Variants in KLHL29 observed in about 807,000 individuals in gnomAD.
KLHL29 encodes kelch-like protein 29.
A neutral mutation model predicts 80.4 loss-of-function variants in KLHL29; 21 were observed. The observed-to-expected ratio is 0.26, with a 90% CI of 0.19 to 0.38. The LOEUF (loss-of-function observed/expected upper bound fraction) is 0.38, where lower values mean the gene tolerates loss of function less well. Ranked by LOEUF, KLHL29 falls within the 10% of genes least tolerant of loss-of-function variation. The pLI is 1.00. For missense variants in KLHL29, 867 were observed against 1,223.9 expected, an observed-to-expected ratio of 0.71 and a Z score of 4.35; for synonymous variants, 511 against 526.8, an observed-to-expected ratio of 0.97 and a Z score of 0.41.
At chr2:23,576,169 G>A (rs894942505) in intron 3 of KLHL29, among the ~76,000 whole-genome samples, 1 of 152,122 alleles carries the variant, frequency 6.6e-6, no homozygotes, top group South Asian at 2.1e-4. Flanking sequence ...GCTGGGCGTG[G>A]TGGCTGGCAC....
intron 3 of KLHL29, among the ~76,000 whole-genome samples, chr2:23,573,200 C>G (rs1211026104): frequency 1.3e-5 from 2 of 152,172 alleles, no homozygotes; most frequent in African/African-American, 4.8e-5. Flanking sequence ...AGTATCACAG[C>G]CTTTTCCTTC....
intron 2 of KLHL29, among the ~76,000 whole-genome samples, chr2:23,508,289 T>A (rs1002235952): frequency 1.3e-5 from 2 of 152,266 alleles, no homozygotes; most frequent in African/African-American, 4.8e-5. Context: ...TTGTCTTCAG[T>A]GTCTAGGACC....
chr2:23,693,643 TGGCAGAGAGGTGAAGGGCG>T lies in KLHL29; in HGVS notation c.1542+129_1542+147del, dbSNP rs571284232. Reference sequence around the variant, plus strand: ...CCTTCCTTGTCCTGCTCTCCCTAAGTGGCAGAGAGGTGAAGGGCGGGCAGAGAGGTGAGAAACCAGTCAC... The same window carrying T: ...CCTTCCTTGTCCTGCTCTCCCTAAGTGGCAGAGAGGTGAGAAACCAGTCAC... On this transcript the variant is annotated intron_variant, in intron 8 of 13. Coordinates refer to ENST00000486442, the MANE Select transcript of KLHL29 (RefSeq NM_052920.2). The T allele has an allele frequency of 7.9e-5, 90 of 1,134,112 alleles. No individual in the cohort carries two copies. The African/African-American group carries it at 1.3e-3, about 17-fold the overall frequency. The allele number at this position is 1,134,112 out of a possible 1,614,324, so 70.3% of individuals were successfully genotyped here.
At chr2:23,532,308 G>A (rs189421275) in intron 2 of KLHL29, among the ~76,000 whole-genome samples, 16 of 152,332 alleles carry the variant, frequency 1.1e-4, no homozygotes, top group African/African-American at 3.9e-4. Context: ...TTAACTCCCT[G>A]TAATGGCCTC....
intron 2 of KLHL29, among the ~76,000 whole-genome samples, chr2:23,526,292 A>AG (rs1558373623): frequency 4.6e-5 from 7 of 150,898 alleles, no homozygotes; most frequent in Admixed American, 1.3e-4. Context: ...GTCACAGGGG[A>AG]GGGGAAACCA....
At position 23,522,162 on chromosome 2, in the gene KLHL29, C is replaced by A. The variant is rs552785051; in HGVS notation, c.-45-39990C>A. On this transcript the variant is annotated intron_variant, in intron 2 of 13. Coordinates refer to ENST00000486442, the MANE Select transcript of KLHL29 (RefSeq NM_052920.2). ...TGTTTATTCTAAGGCTTTTTTTTTT[C>A]TTTTGAGATGGAGTCTAGCTCTGTT... Among the ~76,000 whole-genome samples, 3 of 147,066 alleles carry A rather than the reference C, an allele frequency of 2.0e-5. No homozygotes were observed. In the South Asian group the frequency reaches 6.3e-4, roughly 31 times the overall value.
intron 2 of KLHL29, among the ~76,000 whole-genome samples, chr2:23,561,283 A>G (rs1667440258): frequency 6.6e-6 from 1 of 152,190 alleles, no homozygotes; most frequent in Non-Finnish European, 1.5e-5. Context: ...CAGGCAAGTC[A>G]TGGTAATACT....
chr2:23,545,690 C>G lies in KLHL29; in HGVS notation c.-45-16462C>G, dbSNP rs1025026324. Reference sequence around the variant, plus strand: ...GTATGGGGTGATTAGGCCCCGGCTACACTGCTCCTGGGGACGAGTCATTTC... The same window carrying G: ...GTATGGGGTGATTAGGCCCCGGCTAGACTGCTCCTGGGGACGAGTCATTTC... On this transcript the variant is annotated intron_variant, in intron 2 of 13. Transcript: ENST00000486442. 1.1e-4 allele frequency among the ~76,000 whole-genome samples: 16 copies of G among 152,320 alleles called. No homozygotes were observed. The East Asian group carries it at 1.2e-3, about 11-fold the overall frequency.
intron 2 of KLHL29, among the ~76,000 whole-genome samples, chr2:23,505,152 G>A (rs1299959369): frequency 2.0e-5 from 3 of 152,152 alleles, no homozygotes; most frequent in African/African-American, 2.4e-5. Context: ...GTTAAGTGTC[G>A]TTCACCATGG....
rs77243973 is a variant in KLHL29, at chr2:23,682,813, C to A, written c.941-1586C>A. Among the ~76,000 whole-genome samples the A allele has an allele frequency of 0.044, 6,626 of 152,220 alleles. 207 individuals are homozygous for A. Among genetic ancestry groups the A allele is most frequent in the East Asian group, 0.16 (801 of 5,156 alleles). On this transcript the variant is annotated intron_variant, in intron 5 of 13. Transcript: ENST00000486442. This position sits in a 1 kb window ranked among gnomAD's most constrained non-coding sequence, Gnocchi z 4.1. ...TCCTTCCTGAAGTCCCAGCCAGAGCCCCCTTCCGCACCCCTGGAGATGCTC... is the reference window on the plus strand; with the variant it reads ...TCCTTCCTGAAGTCCCAGCCAGAGCACCCTTCCGCACCCCTGGAGATGCTC...
At chr2:23,475,995 C>T (rs1268702943) in intron 2 of KLHL29, among the ~76,000 whole-genome samples, 2 of 152,234 alleles carry the variant, frequency 1.3e-5, no homozygotes, top group South Asian at 2.1e-4. Context: ...CCTTCCACCT[C>T]AGCCTCCCAA....
At chr2:23,687,921 G>A (rs892235895) in intron 6 of KLHL29, among the ~76,000 whole-genome samples, 5 of 152,094 alleles carry the variant, frequency 3.3e-5, no homozygotes, top group African/African-American at 4.8e-5. Flanking sequence ...GACCATGAGC[G>A]GGAGAGCTGG....
intron 1 of KLHL29, among the ~76,000 whole-genome samples, chr2:23,433,971 G>A (rs777940286): frequency 2.0e-5 from 3 of 151,960 alleles, no homozygotes; most frequent in Non-Finnish European, 4.4e-5. Flanking sequence ...AGTAAGTTTC[G>A]TTAGTGTTTG....
At chr2:23,387,504 TTTATTATTATTATTA>T (rs34918880) in intron 1 of KLHL29, among the ~76,000 whole-genome samples, 84 of 117,676 alleles carry the variant, frequency 7.1e-4, no homozygotes, top group South Asian at 3.0e-3. Flanking sequence ...TCATTCCTGA[TTTATTATTATTATTA>T]TTATTATTAT....
chr2:23,624,446 G>A (rs914775008), intron 3 of KLHL29, among the ~76,000 whole-genome samples: 1 of 152,020 alleles, frequency 6.6e-6, no homozygotes, highest in Non-Finnish European at 1.5e-5. Context: ...TTGCTTCTTC[G>A]TTGCCATTAT....
At chr2:23,656,932 GAA>G (rs58320389) in intron 5 of KLHL29, among the ~76,000 whole-genome samples, 2,735 of 110,052 alleles carry the variant, frequency 0.025, 55 homozygotes, top group African/African-American at 0.057. Flanking sequence ...TCCCCAACAG[GAA>G]AAAAAAAAAA....
chr2:23,646,364 GC>G lies in KLHL29; in HGVS notation c.940+3515del, dbSNP rs1669933780. Among the ~76,000 whole-genome samples, 5 of 152,220 alleles carry G rather than the reference GC, an allele frequency of 3.3e-5. No homozygotes were observed. The South Asian group carries it at 1.0e-3, about 32-fold the overall frequency. On this transcript the variant is annotated intron_variant, in intron 5 of 13. Transcript: ENST00000486442. ...CTTCTTTGGCAAACAGTTTTTGGTG[GC>G]TCAGAGGATGTATGGGGACCTTTTA...
chr2:23,592,848 G>A (rs1009749515), intron 3 of KLHL29, among the ~76,000 whole-genome samples: 2 of 152,286 alleles, frequency 1.3e-5, no homozygotes, highest in East Asian at 1.9e-4. Flanking sequence ...GTAAGCTGGT[G>A]TCCCCTCCCT....
At chr2:23,437,722 A>G (rs1487473341) in intron 1 of KLHL29, among the ~76,000 whole-genome samples, 1 of 152,196 alleles carries the variant, frequency 6.6e-6, no homozygotes, top group East Asian at 1.9e-4. Flanking sequence ...GCCTTGTAGT[A>G]TAGTTTTAAG....
Sources: gnomAD v4.1 joint callset for allele counts (sites outside exome capture counted in the v4.1 genomes callset) on GRCh38, gnomAD v4.1.1 for gene constraint, Gnocchi (gnomAD v3.1) non-coding constraint, MANE v1.5 for transcripts, NCBI Gene and HGNC (gene_info 2026-07-23, HGNC 2026-07-21) for gene names.